The following DIP2C variants were observed in gnomAD, a reference collection of about 807,000 sequenced individuals.
DIP2C encodes the protein DIP2 acetate--CoA ligase C (putative), also known as disco-interacting protein 2 homolog C.
DIP2C carries 33 observed loss-of-function variants against 192.4 expected under a neutral mutation model. The ratio of observed to expected loss-of-function variants is 0.17; its 90% CI spans 0.13 to 0.23. The LOEUF is 0.23. DIP2C is among the 10% of genes least tolerant of loss of function. The pLI, the probability that DIP2C is intolerant of heterozygous loss-of-function variation, is 1.00. For missense variants in DIP2C, 1,537 were observed against 2,110.1 expected (o/e 0.73, Z 5.32); for synonymous variants, 979 against 864.1 (o/e 1.13, Z -2.33).
rs964199033 is a variant in DIP2C, at chr10:624,442, G to A, written c.85+65052C>T. Reference sequence around the variant, plus strand: ...GCCTGAGGAAGGCAGCGCCCGCTCAGCTCCACATCCAGGCTTTTGTGCCTC... The same window carrying A: ...GCCTGAGGAAGGCAGCGCCCGCTCAACTCCACATCCAGGCTTTTGTGCCTC... On this transcript the variant is annotated intron_variant, in intron 1 of 36. Coordinates refer to ENST00000280886, the MANE Select transcript of DIP2C (RefSeq NM_014974.3). Among the ~76,000 whole-genome samples, 63 of 152,340 alleles carry A rather than the reference G, an allele frequency of 4.1e-4. 1 individual carries two copies. Among genetic ancestry groups the A allele is most frequent in the African/African-American group, 1.5e-3 (61 of 41,584 alleles).
At chr10:390,708 G>A in intron 11 of DIP2C, 32 bp downstream of exon 11, 7 of 1,604,356 alleles carry the variant, frequency 4.4e-6, no homozygotes, top group Non-Finnish European at 6.0e-6. Flanking sequence ...AAGGACGTGG[G>A]CATGCGAGCT....
intron 1 of DIP2C, among the ~76,000 whole-genome samples, chr10:620,619 T>C (rs1453002999): frequency 6.6e-6 from 1 of 152,152 alleles, no homozygotes; most frequent in East Asian, 1.9e-4. Flanking sequence ...AAACTACCTT[T>C]AGTTTGAATT....
chr10:535,610 C>T (rs974910264), intron 1 of DIP2C, among the ~76,000 whole-genome samples: 2 of 152,086 alleles, frequency 1.3e-5, no homozygotes, highest in Non-Finnish European at 2.9e-5. Context: ...CAGTGTGATC[C>T]CACACTCGTC....
intron 35 of DIP2C, among the ~76,000 whole-genome samples, chr10:281,645 G>A (rs1451951551): frequency 1.3e-5 from 2 of 152,234 alleles, no homozygotes; most frequent in Non-Finnish European, 2.9e-5. Context: ...ACTGAGGGGC[G>A]AAGTCGGCAC....
At chr10:571,700 C>A (rs938720739) in intron 1 of DIP2C, among the ~76,000 whole-genome samples, 1 of 152,328 alleles carries the variant, frequency 6.6e-6, no homozygotes, top group African/African-American at 2.4e-5. Flanking sequence ...CACCTCATGA[C>A]CAGCTGCTGC....
At chr10:559,997 G>A (rs1197536545) in intron 1 of DIP2C, among the ~76,000 whole-genome samples, 59 of 71,068 alleles carry the variant, frequency 8.3e-4, no homozygotes. Context: ...CTCTCCCCCC[G>A]ATCCAGTTCT....
intron 1 of DIP2C, among the ~76,000 whole-genome samples, chr10:558,465 G>A (rs1849026049): frequency 6.6e-6 from 1 of 152,160 alleles, no homozygotes; most frequent in East Asian, 1.9e-4. Context: ...CACGAGCTGG[G>A]GGAACAAAGG....
Position 650,159 on chromosome 10 carries a change from C to T in DIP2C, c.85+39335G>A, listed in dbSNP as rs984218052. ...GGACCCCCCAGGAGAGAGAAGACCC[C>T]AGCAGAGTCAACACTGGAGGTCCTG... On this transcript the variant is annotated intron_variant, in intron 1 of 36. Coordinates refer to ENST00000280886, the MANE Select transcript of DIP2C (RefSeq NM_014974.3). 4.2e-6 allele frequency: 3 copies of T among 717,324 alleles called. No homozygotes were observed. The African/African-American group carries it at 5.2e-5, about 13-fold the overall frequency. 44.4% of individuals were successfully genotyped at this position (717,324 alleles called of 1,614,324 possible). A position where few individuals can be genotyped will look rare whatever the true frequency, so the allele number is the denominator to read the frequency against.
chr10:442,620 A>G (rs1967839179), intron 3 of DIP2C, among the ~76,000 whole-genome samples: 1 of 152,220 alleles, frequency 6.6e-6, no homozygotes. Flanking sequence ...CAGGCTCACC[A>G]ACTGCTCCTA....
intron 32 of DIP2C, among the ~76,000 whole-genome samples, chr10:305,972 A>AATATATATATATATATATATATAT (rs35830495): frequency 6.8e-5 from 10 of 146,344 alleles, no homozygotes; most frequent in African/African-American, 2.3e-4. Context: ...AATGCAGACA[A>AATATATATATATATATATATATAT]ATATATATAT....
chr10:608,135 A>C (rs1398693524), intron 1 of DIP2C, among the ~76,000 whole-genome samples: 8 of 102,330 alleles, frequency 7.8e-5, no homozygotes, highest in Middle Eastern at 5.0e-3. Context: ...GCCCCAACAC[A>C]CACACAGCCC....
At chr10:426,804 C>T (rs548129466) in intron 4 of DIP2C, among the ~76,000 whole-genome samples, 2 of 151,868 alleles carry the variant, frequency 1.3e-5, no homozygotes, top group East Asian at 1.9e-4. Flanking sequence ...ACCCAACACA[C>T]CAAAAAGAAA....
chr10:454,873 T>G (rs1969160054), intron 3 of DIP2C, among the ~76,000 whole-genome samples: 1 of 152,236 alleles, frequency 6.6e-6, no homozygotes, highest in Non-Finnish European at 1.5e-5. Context: ...TCATTATTGC[T>G]GTTACTAGTA....
intron 3 of DIP2C, among the ~76,000 whole-genome samples, chr10:459,498 A>C (rs1040300680): frequency 4.6e-5 from 7 of 152,250 alleles, no homozygotes; most frequent in Non-Finnish European, 1.0e-4. Context: ...CAAAAGACAC[A>C]GCAGTAGCTC....
rs188561297 is a variant in DIP2C at position 602,419 on chromosome 10, T to C, written c.85+87075A>G. 6.6e-4 allele frequency among the ~76,000 whole-genome samples: 100 copies of C among 152,226 alleles called. 2 individuals carry two copies. The highest frequency in any genetic ancestry group is 2.3e-3 in the African/African-American group (97 of 41,552). On this transcript the variant is annotated intron_variant, in intron 1 of 36. Transcript: ENST00000280886. ...GGCCTGAATGTCTGTCCCCAAAACC[T>C]CACGCACACTGAAGCAATCTCCGAT...
intron 3 of DIP2C, 50 bp downstream of exon 3, chr10:472,389 C>T: frequency 6.4e-7 from 1 of 1,561,252 alleles, no homozygotes; most frequent in Non-Finnish European, 8.8e-7. Context: ...AGGCACCGTC[C>T]TGGCACAGGT....
At chr10:371,214 A>AC (rs1389085459) in intron 17 of DIP2C, among the ~76,000 whole-genome samples, 4 of 149,034 alleles carry the variant, frequency 2.7e-5, no homozygotes, top group African/African-American at 4.9e-5. Context: ...CCCTCACCCT[A>AC]CAAGAGTCCT....
chr10:675,217 G>T (rs1186000622), intron 1 of DIP2C, among the ~76,000 whole-genome samples: 1 of 151,826 alleles, frequency 6.6e-6, no homozygotes, highest in Non-Finnish European at 1.5e-5. Flanking sequence ...AATTAAGAAG[G>T]AAATTTAAAA....
intron 32 of DIP2C, among the ~76,000 whole-genome samples, chr10:307,102 A>G (rs1564532538): frequency 6.6e-6 from 1 of 152,154 alleles, no homozygotes; most frequent in Non-Finnish European, 1.5e-5. Context: ...TCCCTCCACC[A>G]TGAGTGAAGC....
Sources: allele counts gnomAD v4.1 joint callset (sites outside exome capture counted in the v4.1 genomes callset), GRCh38; gene constraint gnomAD v4.1.1; transcripts MANE v1.5; gene names NCBI Gene and HGNC (gene_info 2026-07-23, HGNC 2026-07-21).